The following ACOXL variants were observed in gnomAD, a reference collection of about 807,000 sequenced individuals.
ACOXL encodes acyl-CoA oxidase like.
Under a neutral mutation model 71.9 loss-of-function variants are expected in ACOXL, and 70 were observed. The observed-to-expected ratio is 0.97, with a 90% CI of 0.80 to 1.19. The LOEUF (loss-of-function observed/expected upper bound fraction) is 1.19. Among genes scored for constraint, ACOXL ranks in the 50% most tolerant of loss-of-function variants. The pLI is 0.00. For missense variants in ACOXL, 703 were observed against 736.3 expected, an observed-to-expected ratio of 0.95 and a Z score of 0.52; for synonymous variants, 253 against 281.6, an observed-to-expected ratio of 0.90 and a Z score of 1.02.
At chr2:110,786,397 C>T (rs534967595) in intron 3 of ACOXL, among the ~76,000 whole-genome samples, 1 of 152,288 alleles carries the variant, frequency 6.6e-6, no homozygotes, top group African/African-American at 2.4e-5. Context: ...AGACTGGGCT[C>T]CCTGTGATTT....
At chr2:110,896,783 A>G (rs954413727) in intron 10 of ACOXL, among the ~76,000 whole-genome samples, 2 of 152,320 alleles carry the variant, frequency 1.3e-5, no homozygotes, top group Admixed American at 6.5e-5. Flanking sequence ...CAGTTGTAGT[A>G]GGAGACTTCA....
intron 9 of ACOXL, among the ~76,000 whole-genome samples, chr2:110,836,651 G>T (rs1690505989): frequency 6.6e-6 from 1 of 152,188 alleles, no homozygotes; most frequent in South Asian, 2.1e-4. Context: ...AAGGGGACAG[G>T]AACAGTAAAA....
chr2:111,109,524 C>G (rs933483349), intron 17 of ACOXL, among the ~76,000 whole-genome samples: 3 of 152,068 alleles, frequency 2.0e-5, no homozygotes, highest in Non-Finnish European at 2.9e-5. Flanking sequence ...CCGCAATACT[C>G]ACTCTGCTGT....
rs1234410019 is a variant in ACOXL at position 111,069,145 on chromosome 2, C to CTT, written c.1440+19875_1440+19876dup. ...CTTGATGTGTCTCCCTCTTCTTTTTCTTTTTTTTTTTTTTTTTTTAATTTG... is the reference window on the plus strand; with the variant it reads ...CTTGATGTGTCTCCCTCTTCTTTTTCTTTTTTTTTTTTTTTTTTTTTAATTTG... On this transcript the variant is annotated intron_variant, in intron 16 of 17. Transcript: ENST00000439055. Among the ~76,000 whole-genome samples, 210 of 135,308 alleles carry CTT rather than the reference C, an allele frequency of 1.6e-3. 2 individuals carry two copies. The highest frequency in any genetic ancestry group is 4.6e-3 in the African/African-American group (169 of 37,006). The allele number at this position is 135,308 out of a possible 152,430, so 88.8% of individuals were successfully genotyped here. A position where few individuals can be genotyped will look rare whatever the true frequency, so the allele number is the denominator to read the frequency against.
intron 16 of ACOXL, among the ~76,000 whole-genome samples, chr2:111,059,476 A>G (rs1278754934): frequency 6.6e-6 from 1 of 152,266 alleles, no homozygotes; most frequent in Non-Finnish European, 1.5e-5. Flanking sequence ...GATGAAAAAT[A>G]ACACCCAACC....
chr2:110,965,081 G>C (rs891290627), intron 12 of ACOXL, among the ~76,000 whole-genome samples: 3 of 152,068 alleles, frequency 2.0e-5, no homozygotes, highest in Non-Finnish European at 4.4e-5. Flanking sequence ...TGCCATATTT[G>C]TGTTTCTGTG....
At chr2:110,842,889 G>A (rs894827271) in intron 10 of ACOXL, among the ~76,000 whole-genome samples, 2 of 152,056 alleles carry the variant, frequency 1.3e-5, no homozygotes, top group African/African-American at 2.4e-5. Flanking sequence ...GTATGTTTCC[G>A]GTCCTATGAG....
intron 9 of ACOXL, among the ~76,000 whole-genome samples, chr2:110,807,394 G>C (rs1190915222): frequency 3.3e-5 from 5 of 152,206 alleles, no homozygotes; most frequent in Non-Finnish European, 7.3e-5. Flanking sequence ...TTTTGTTGCT[G>C]CTGCTGCCGT....
At chr2:110,743,535 A>T (rs1677798917) in intron 1 of ACOXL, among the ~76,000 whole-genome samples, 1 of 152,170 alleles carries the variant, frequency 6.6e-6, no homozygotes, top group South Asian at 2.1e-4. Context: ...TTTGGAAAAA[A>T]ACAAACCCAA....
chr2:111,043,545 T>A (rs2065881142), intron 15 of ACOXL, among the ~76,000 whole-genome samples: 1 of 152,090 alleles, frequency 6.6e-6, no homozygotes, highest in East Asian at 1.9e-4. Flanking sequence ...GGGCGCAGTG[T>A]CCCACCTCGT....
At chr2:110,979,959 G>C (rs1352111011) in intron 12 of ACOXL, among the ~76,000 whole-genome samples, 1 of 152,160 alleles carries the variant, frequency 6.6e-6, no homozygotes, top group Non-Finnish European at 1.5e-5. Context: ...GGGTTATGAG[G>C]GGTGTGTCTA....
In ACOXL at chr2:111,033,587, A is replaced by G. The variant is rs145024649; in HGVS notation, c.1369+1873A>G. On this transcript the variant is annotated intron_variant, in intron 15 of 17. Coordinates refer to ENST00000439055, the MANE Select transcript of ACOXL (RefSeq NM_001142807.4). ...CACAGTGTGTCTACTTCCCTGGACT[A>G]TCTCCATACACTCAGCATCAACCTC... Among the ~76,000 whole-genome samples the G allele has an allele frequency of 9.2e-5, 14 of 152,324 alleles. No homozygotes were observed. In the East Asian group the frequency reaches 2.7e-3, roughly 29 times the overall value.
At chr2:110,736,672 T>A (rs972234585) in intron 1 of ACOXL, among the ~76,000 whole-genome samples, 7 of 148,664 alleles carry the variant, frequency 4.7e-5, no homozygotes, top group Non-Finnish European at 4.4e-5. Flanking sequence ...CAGGCTGGAG[T>A]GCAGTGGTGC....
chr2:110,742,520 C>G (rs1465631489), intron 1 of ACOXL, among the ~76,000 whole-genome samples: 1 of 152,172 alleles, frequency 6.6e-6, no homozygotes, highest in Non-Finnish European at 1.5e-5. Flanking sequence ...ACCTTGGATC[C>G]TGATGCCATT....
chr2:110,965,362 G>A (rs529862774), intron 12 of ACOXL, among the ~76,000 whole-genome samples: 7 of 152,240 alleles, frequency 4.6e-5, no homozygotes, highest in African/African-American at 9.6e-5. Flanking sequence ...TTGCTGGATC[G>A]TAGGGTAGTT....
intron 16 of ACOXL, among the ~76,000 whole-genome samples, chr2:111,067,249 A>G (rs1574656591): frequency 6.6e-6 from 1 of 152,200 alleles, no homozygotes; most frequent in Non-Finnish European, 1.5e-5. Flanking sequence ...TAAAACTCAT[A>G]TTTGATCAAA....
intron 9 of ACOXL, among the ~76,000 whole-genome samples, chr2:110,831,475 G>A (rs560385129): frequency 2.0e-4 from 31 of 152,192 alleles, no homozygotes; most frequent in African/African-American, 6.0e-4. Context: ...ATGGAGACAC[G>A]TACCATGTTT....
chr2:110,808,747 C>G (rs925843036), intron 9 of ACOXL, among the ~76,000 whole-genome samples: 3 of 152,182 alleles, frequency 2.0e-5, no homozygotes, highest in Admixed American at 6.5e-5. Flanking sequence ...AAGGCCTCAG[C>G]CTGCATGTGG....
At chr2:110,810,903 A>G (rs1327164719) in intron 9 of ACOXL, among the ~76,000 whole-genome samples, 1 of 152,210 alleles carries the variant, frequency 6.6e-6, no homozygotes, top group African/African-American at 2.4e-5. Context: ...AAGGGAAGCA[A>G]ACACGTCCTT....
Sources: allele counts gnomAD v4.1 joint callset (sites outside exome capture counted in the v4.1 genomes callset), GRCh38; gene constraint gnomAD v4.1.1; transcripts MANE v1.5; gene names NCBI Gene and HGNC (gene_info 2026-07-23, HGNC 2026-07-21).